Variants in SMC5 observed in about 807,000 individuals in gnomAD.
SMC5 encodes structural maintenance of chromosomes protein 5.
In SMC5, 88 loss-of-function variants were observed where a neutral mutation model predicts 148.3. That is an observed-to-expected ratio of 0.59 (90% CI 0.50 to 0.71). The LOEUF (loss-of-function observed/expected upper bound fraction) is 0.71. SMC5 is among the 30% of genes least tolerant of loss of function. SMC5 has a pLI of 0.00. For missense variants in SMC5, 1,142 were observed against 1,298.9 expected (o/e 0.88, Z 1.86); for synonymous variants, 421 against 432.8 (o/e 0.97, Z 0.34).
chr9:70,300,242 T>C (rs1356704799), intron 10 of SMC5, 42 bp downstream of exon 10: 1 of 1,546,332 alleles, frequency 6.5e-7, no homozygotes, highest in East Asian at 2.4e-5. Context: ...GTTTTATTAT[T>C]GTAATCATAG....
chr9:70,279,030 T>C (rs974186113), intron 5 of SMC5, among the ~76,000 whole-genome samples: 1 of 152,206 alleles, frequency 6.6e-6, no homozygotes, highest in African/African-American at 2.4e-5. Flanking sequence ...AATTCTCTCA[T>C]GTATTTTTTT....
chr9:70,299,493 C>T (rs938642802), intron 9 of SMC5, among the ~76,000 whole-genome samples: 3 of 151,988 alleles, frequency 2.0e-5, no homozygotes, highest in African/African-American at 7.2e-5. Flanking sequence ...TAATTTCTCT[C>T]GTGCCTTTTC....
chr9:70,270,722 C>T (rs377242892), intron 3 of SMC5, among the ~76,000 whole-genome samples: 27 of 146,868 alleles, frequency 1.8e-4, no homozygotes, highest in African/African-American at 6.5e-4. Flanking sequence ...TCTCGGCTCA[C>T]TGCAACCTCT....
intron 17 of SMC5, among the ~76,000 whole-genome samples, chr9:70,332,965 C>T (rs966471775): frequency 6.6e-6 from 1 of 152,134 alleles, no homozygotes; most frequent in Non-Finnish European, 1.5e-5. Context: ...AAACCAACAG[C>T]TCATATCAAT....
At chr9:70,273,806 T>A (rs929445586) in intron 3 of SMC5, among the ~76,000 whole-genome samples, 2 of 152,232 alleles carry the variant, frequency 1.3e-5, no homozygotes, top group African/African-American at 4.8e-5. Flanking sequence ...TTACTCATCC[T>A]TTGAAATGTC....
rs1220919941 is a variant in SMC5 at position 70,259,087 on chromosome 9, T to A, written c.9T>A (p.Thr3=). 1.9e-6 allele frequency: 3 copies of A among 1,605,000 alleles called. No individual in the cohort carries two copies. In the Admixed American group the frequency reaches 5.1e-5, roughly 27 times the overall value. Residue 3 remains threonine, a synonymous_variant, in exon 1 of 25, where the codon ACT becomes ACA. Coordinates refer to ENST00000361138, the MANE Select transcript of SMC5 (RefSeq NM_015110.4). ...ACGCTGAGGAAGCCAGGATGGCGAC[T>A]CCGAGCAAGAAGACGTCAACTCCAA... MA[T]PSKKTSTPSP...
At position 70,297,983 on chromosome 9, in the gene SMC5, G is replaced by A. The variant is rs1256802348; in HGVS notation, c.1071G>A (p.Gln357=). 6.2e-7 allele frequency: 1 copy of A among 1,612,908 alleles called. No homozygotes were observed. Among genetic ancestry groups the A allele is most frequent in the African/African-American group, 1.3e-5 (1 of 74,798 alleles). ...RKDKHIEELQ[Q]ALIVKQNEEL... ...TTTATTAGATTGAGGAACTTCAGCA[G>A]GCTTTAATAGTAAAGCAAAATGAAG... Residue 357 remains glutamine (Q), a synonymous_variant, in exon 9 of 25, where the codon CAG becomes CAA. Coordinates refer to ENST00000361138, the MANE Select transcript of SMC5 (RefSeq NM_015110.4).
intron 23 of SMC5, 33 bp from the exon 24 acceptor site, chr9:70,350,343 A>G: frequency 1.2e-6 from 2 of 1,609,532 alleles, no homozygotes; most frequent in Non-Finnish European, 1.7e-6. Context: ...TGTAACAGGA[A>G]TAAATGTAAT....
chr9:70,332,191 C>T (rs1008649218), intron 17 of SMC5, among the ~76,000 whole-genome samples: 1 of 152,034 alleles, frequency 6.6e-6, no homozygotes, highest in Non-Finnish European at 1.5e-5. Flanking sequence ...GAACTTCAGT[C>T]CCAAAATCTT....
At chr9:70,260,824 C>G (rs1320859387) in intron 1 of SMC5, among the ~76,000 whole-genome samples, 6 of 152,212 alleles carry the variant, frequency 3.9e-5, no homozygotes, top group Admixed American at 2.0e-4. Flanking sequence ...CTCCGTGAAG[C>G]CTGGACCTCC....
chr9:70,324,425 G>A (rs1448763284), intron 17 of SMC5, among the ~76,000 whole-genome samples: 1 of 152,128 alleles, frequency 6.6e-6, no homozygotes, highest in Non-Finnish European at 1.5e-5. Context: ...ACTTAAAACC[G>A]GAAGGAGAGC....
At chr9:70,263,982 T>G (rs1044336218) in intron 1 of SMC5, among the ~76,000 whole-genome samples, 1 of 152,236 alleles carries the variant, frequency 6.6e-6, no homozygotes, top group African/African-American at 2.4e-5. Context: ...AAATTTGTTT[T>G]AAAGTTATTT....
In SMC5 at chr9:70,354,691, A is replaced by G. The variant is rs2118874327; in HGVS notation, c.*2360A>G. 6.6e-6 allele frequency: 1 copy of G among 152,362 alleles called. No individual in the cohort carries two copies. Among genetic ancestry groups the G allele is most frequent in the Non-Finnish European group, 1.5e-5 (1 of 68,028 alleles). 9.4% of individuals were successfully genotyped at this position (152,362 alleles called of 1,614,324 possible). A position where few individuals can be genotyped will look rare whatever the true frequency, so the allele number is the denominator to read the frequency against. The stretch of plus-strand genomic sequence containing the variant: ...CTGTTAAAAGATTTTCCATATTCAA[A>G]GTAAAAGGAAAGATTTCTTGCTTTC... On this transcript the variant is annotated 3_prime_UTR_variant, in exon 25 of 25. Coordinates refer to ENST00000361138, the MANE Select transcript of SMC5 (RefSeq NM_015110.4).
chr9:70,317,038 T>C (rs1218975241), intron 13 of SMC5, among the ~76,000 whole-genome samples: 1 of 152,156 alleles, frequency 6.6e-6, no homozygotes, highest in East Asian at 1.9e-4. Flanking sequence ...TATGATGATA[T>C]ACTTTTCAGA....
At chr9:70,328,499 CTT>C (rs2036143267) in intron 17 of SMC5, among the ~76,000 whole-genome samples, 1 of 152,348 alleles carries the variant, frequency 6.6e-6, no homozygotes, top group East Asian at 1.9e-4. Flanking sequence ...CCCAAAAAGT[CTT>C]TGACTGCATG....
At chr9:70,336,115 C>T (rs1000183153) in intron 17 of SMC5, among the ~76,000 whole-genome samples, 1 of 152,116 alleles carries the variant, frequency 6.6e-6, no homozygotes, top group African/African-American at 2.4e-5. Context: ...TTCACTGTAA[C>T]TTAACTGCAT....
At chr9:70,275,046 A>G (rs996381469) in intron 3 of SMC5, among the ~76,000 whole-genome samples, 3 of 152,092 alleles carry the variant, frequency 2.0e-5, no homozygotes. Context: ...CCAAAAGGAT[A>G]TTTGAAGTTT....
chr9:70,341,832 A>G (rs915921158), intron 17 of SMC5, among the ~76,000 whole-genome samples: 15 of 151,982 alleles, frequency 9.9e-5, no homozygotes, highest in African/African-American at 1.7e-4. Context: ...ACAGTGTGGC[A>G]ATTCCTCAAG....
chr9:70,275,154 A>G (rs2034553766), intron 3 of SMC5, among the ~76,000 whole-genome samples: 1 of 152,118 alleles, frequency 6.6e-6, no homozygotes, highest in Admixed American at 6.5e-5. Context: ...TGGATATAAC[A>G]TTCTATATTG....
Sources: allele counts gnomAD v4.1 joint callset (sites outside exome capture counted in the v4.1 genomes callset), GRCh38; gene constraint gnomAD v4.1.1; transcripts MANE v1.5; gene names NCBI Gene and HGNC (gene_info 2026-07-23, HGNC 2026-07-21).